TRPM3: variants seen among roughly 807,000 people sequenced by gnomAD.
TRPM3 encodes long transient receptor potential channel 3.
TRPM3 carries 77 observed loss-of-function variants against 181.2 expected under a neutral mutation model. That is an observed-to-expected ratio of 0.42 (90% confidence interval 0.35 to 0.51). The LOEUF (loss-of-function observed/expected upper bound fraction) is 0.51, where lower values mean the gene tolerates loss of function less well. Ranked by LOEUF, TRPM3 falls within the 20% of genes least tolerant of loss-of-function variation. The pLI, the probability that TRPM3 is intolerant of heterozygous loss-of-function variation, is 0.01. For missense variants in TRPM3, 1,759 were observed against 2,196.7 expected, an observed-to-expected ratio of 0.80 and a Z score of 3.98; for synonymous variants, 745 against 796.4, an observed-to-expected ratio of 0.94 and a Z score of 1.09.
intron 25 of TRPM3, among the ~76,000 whole-genome samples, chr9:70,542,767 G>A (rs1467250481): frequency 6.6e-6 from 1 of 152,168 alleles, no homozygotes; most frequent in African/African-American, 2.4e-5. Flanking sequence ...GCTGGCAGTG[G>A]GGTGCATGTA....
chr9:71,289,641 G>C (rs1197338086), intron 1 of TRPM3, among the ~76,000 whole-genome samples: 3 of 152,060 alleles, frequency 2.0e-5, no homozygotes, highest in Non-Finnish European at 2.9e-5. Context: ...GCCAAGGTGG[G>C]CATATCACTT....
intron 1 of TRPM3, among the ~76,000 whole-genome samples, chr9:71,315,882 A>G (rs1588450998): frequency 6.6e-6 from 1 of 152,128 alleles, no homozygotes; most frequent in South Asian, 2.1e-4. Flanking sequence ...AGTCAAAAAC[A>G]TTTTTCTGAG....
At chr9:70,582,176 CTG>C (rs1198403990) in intron 22 of TRPM3, among the ~76,000 whole-genome samples, 5 of 77,926 alleles carry the variant, frequency 6.4e-5, no homozygotes, top group African/African-American at 2.3e-4. Flanking sequence ...CGCCTCCACC[CTG>C]TGCGTGTGTG....
intron 1 of TRPM3, among the ~76,000 whole-genome samples, chr9:70,960,094 C>A (rs1423702063): frequency 6.6e-6 from 1 of 151,840 alleles, no homozygotes; most frequent in East Asian, 1.9e-4. Flanking sequence ...TAGTCCATTG[C>A]AAGTCTGCTA....
chr9:70,749,140 G>C (rs1358872926), intron 8 of TRPM3, among the ~76,000 whole-genome samples: 2 of 152,088 alleles, frequency 1.3e-5, no homozygotes, highest in Non-Finnish European at 2.9e-5. Context: ...CTAATATACA[G>C]TCCCAATGTC....
At chr9:70,550,671 G>C (rs2046253110) in intron 24 of TRPM3, among the ~76,000 whole-genome samples, 1 of 152,190 alleles carries the variant, frequency 6.6e-6, no homozygotes, top group Non-Finnish European at 1.5e-5. Flanking sequence ...CCATGCCCTC[G>C]AGATGTGATA....
chr9:70,900,941 C>G (rs2096376414), intron 1 of TRPM3, among the ~76,000 whole-genome samples: 1 of 152,174 alleles, frequency 6.6e-6, no homozygotes, highest in Non-Finnish European at 1.5e-5. Context: ...AAAGTGCTTT[C>G]AAAACTATTT....
At position 70,529,714 on chromosome 9, in the gene TRPM3, T is replaced by C. The variant is rs189560909; in HGVS notation, c.*6239A>G. 1 of 152,350 alleles carries C rather than the reference T, an allele frequency of 6.6e-6. No individual in the cohort carries two copies. Among genetic ancestry groups the C allele is most frequent in the African/African-American group, 2.4e-5 (1 of 41,586 alleles). The allele number at this position is 152,350 out of a possible 1,614,324, so 9.4% of individuals were successfully genotyped here. A position where few individuals can be genotyped will look rare whatever the true frequency, so the allele number is the denominator to read the frequency against. On this transcript the variant is annotated 3_prime_UTR_variant, in exon 26 of 26. Transcript: ENST00000677713. ...CCCCCTCTCGGTTCTCAGTGTATTT[T>C]GTGTGTACACTCACCAAGTCACTAT... is the stretch of plus-strand genomic sequence containing the variant.
At chr9:71,203,083 A>G (rs1337834060) in intron 1 of TRPM3, among the ~76,000 whole-genome samples, 1 of 152,164 alleles carries the variant, frequency 6.6e-6, no homozygotes, top group Non-Finnish European at 1.5e-5. Flanking sequence ...TGGCTCCTAG[A>G]AGTGTTTGGT....
At chr9:71,179,055 G>A (rs2077256424) in intron 1 of TRPM3, among the ~76,000 whole-genome samples, 1 of 151,968 alleles carries the variant, frequency 6.6e-6, no homozygotes, top group Non-Finnish European at 1.5e-5. Flanking sequence ...TGATTTATAG[G>A]GAATATTCAG....
chr9:71,440,378 T>C (rs1337592354), intron 1 of TRPM3, among the ~76,000 whole-genome samples: 1 of 152,222 alleles, frequency 6.6e-6, no homozygotes, highest in Non-Finnish European at 1.5e-5. Context: ...TTTCTTTTTC[T>C]CATCTAACTT....
chr9:70,742,101 T>C (rs897592174), intron 8 of TRPM3, among the ~76,000 whole-genome samples: 2 of 152,170 alleles, frequency 1.3e-5, no homozygotes, highest in African/African-American at 4.8e-5. Context: ...TATTACTTGT[T>C]CATTAAGACC....
chr9:70,747,256 A>G (rs1024583073), intron 8 of TRPM3, among the ~76,000 whole-genome samples: 1 of 152,210 alleles, frequency 6.6e-6, no homozygotes, highest in Non-Finnish European at 1.5e-5. Context: ...GACAAGCACA[A>G]GAAAGTTACA....
intron 6 of TRPM3, among the ~76,000 whole-genome samples, chr9:70,794,688 G>A (rs2131081354): frequency 6.6e-6 from 1 of 152,234 alleles, no homozygotes; most frequent in South Asian, 2.1e-4. Flanking sequence ...TGTGCCTGCT[G>A]GCTCCCGTCG....
chr9:71,024,420 G>T (rs2097874513), intron 1 of TRPM3, among the ~76,000 whole-genome samples: 1 of 150,886 alleles, frequency 6.6e-6, no homozygotes, highest in Admixed American at 6.6e-5. Context: ...TTTGAAGGAG[G>T]TGTTAACAAG....
intron 1 of TRPM3, among the ~76,000 whole-genome samples, chr9:71,344,740 C>T (rs1320199626): frequency 2.0e-5 from 3 of 152,074 alleles, no homozygotes; most frequent in Non-Finnish European, 2.9e-5. Flanking sequence ...AACTAGATTT[C>T]CTCAAAATTA....
chr9:70,687,146 T>G (rs2067172795), intron 8 of TRPM3, among the ~76,000 whole-genome samples: 1 of 152,150 alleles, frequency 6.6e-6, no homozygotes, highest in Non-Finnish European at 1.5e-5. Flanking sequence ...TGCTAAAAAT[T>G]TCTTGTCTCA....
chr9:71,312,753 T>C (rs1453131051), intron 1 of TRPM3, among the ~76,000 whole-genome samples: 2 of 152,062 alleles, frequency 1.3e-5, no homozygotes, highest in African/African-American at 2.4e-5. Flanking sequence ...TAAAAACACA[T>C]GGAGAAAACT....
intron 1 of TRPM3, among the ~76,000 whole-genome samples, chr9:70,984,986 A>G (rs997238525): frequency 2.6e-5 from 4 of 152,210 alleles, no homozygotes; most frequent in Non-Finnish European, 4.4e-5. Flanking sequence ...GGTTATCTCA[A>G]ATTAAATGCA....
Sources: allele counts gnomAD v4.1 joint callset (sites outside exome capture counted in the v4.1 genomes callset), GRCh38; gene constraint gnomAD v4.1.1; transcripts MANE v1.5; gene names NCBI Gene and HGNC (gene_info 2026-07-23, HGNC 2026-07-21).